RBM6: variants seen among roughly 807,000 people sequenced by gnomAD.
RBM6 encodes the protein RNA binding motif protein 6.
Under a neutral mutation model 140.4 loss-of-function variants are expected in RBM6, and 23 were observed. The observed-to-expected ratio is 0.16, with a 90% confidence interval of 0.12 to 0.23. The LOEUF (loss-of-function observed/expected upper bound fraction) is 0.23. RBM6 is among the 10% of genes least tolerant of loss of function. The pLI, the probability that RBM6 is intolerant of heterozygous loss-of-function variation, is 1.00. For missense variants in RBM6, 1,139 were observed against 1,386.7 expected, an observed-to-expected ratio of 0.82 and a Z score of 2.84; for synonymous variants, 439 against 475.6, an observed-to-expected ratio of 0.92 and a Z score of 1.00.
At chr3:49,969,451 A>ATGTG (rs199684826) in intron 3 of RBM6, among the ~76,000 whole-genome samples, 1 of 146,034 alleles carries the variant, frequency 6.8e-6, no homozygotes, top group Non-Finnish European at 1.5e-5. Flanking sequence ...GATCATATAT[A>ATGTG]TGTGTGTGTG....
chr3:49,963,543 T>C (rs1335048305), intron 2 of RBM6, among the ~76,000 whole-genome samples: 1 of 152,252 alleles, frequency 6.6e-6, no homozygotes, highest in Admixed American at 6.5e-5. Flanking sequence ...CACTAATTTA[T>C]GTCTAGAATT....
At chr3:50,054,198 T>A in intron 7 of RBM6, 137 bp from the exon 8 acceptor site, 2 of 712,112 alleles carry the variant, frequency 2.8e-6, no homozygotes, top group Non-Finnish European at 4.9e-6. Context: ...GTGGGGAATA[T>A]CAGATTCTTT....
intron 6 of RBM6, among the ~76,000 whole-genome samples, chr3:50,043,030 A>G (rs1482023618): frequency 6.6e-6 from 1 of 152,190 alleles, no homozygotes; most frequent in Non-Finnish European, 1.5e-5. Flanking sequence ...TTGCAGCTTC[A>G]TATTAAGATT....
At chr3:49,983,015 AT>A (rs562589192) in intron 5 of RBM6, among the ~76,000 whole-genome samples, 5,260 of 150,192 alleles carry the variant, frequency 0.035, 124 homozygotes, top group Non-Finnish European at 0.059. Context: ...CCTGGCCTAA[AT>A]TTTTTTTTTG....
intron 1 of RBM6, among the ~76,000 whole-genome samples, chr3:49,959,864 G>T (rs72942344): frequency 8.5e-5 from 13 of 152,186 alleles, no homozygotes; most frequent in Admixed American, 2.6e-4. Context: ...GAGCCCCCAC[G>T]CCCGGCCTAG....
chr3:50,062,522 C>G (rs1326661484), intron 15 of RBM6, among the ~76,000 whole-genome samples: 4 of 151,378 alleles, frequency 2.6e-5, no homozygotes, highest in Non-Finnish European at 5.9e-5. Flanking sequence ...AAAAAAACCT[C>G]TGTTAATGAG....
At chr3:49,955,860 C>CTCTCTGTGTG (rs1553637396) in intron 1 of RBM6, among the ~76,000 whole-genome samples, 64 of 145,578 alleles carry the variant, frequency 4.4e-4, no homozygotes, top group Non-Finnish European at 7.4e-4. Context: ...CTCTCTCTCT[C>CTCTCTGTGTG]TGTGTGTGTG....
chr3:50,060,473 C>T (rs533086869), intron 11 of RBM6, among the ~76,000 whole-genome samples: 6 of 151,912 alleles, frequency 3.9e-5, no homozygotes, highest in South Asian at 2.1e-4. Context: ...ATTGGGCAGG[C>T]GTGGTGGCTC....
intron 6 of RBM6, among the ~76,000 whole-genome samples, chr3:50,039,752 G>A (rs2088770304): frequency 6.6e-6 from 1 of 152,188 alleles, no homozygotes; most frequent in African/African-American, 2.4e-5. Context: ...CGGAGATTCT[G>A]TGATGAAGGA....
At chr3:50,035,168 C>T (rs980367239) in intron 6 of RBM6, among the ~76,000 whole-genome samples, 1 of 151,826 alleles carries the variant, frequency 6.6e-6, no homozygotes, top group Non-Finnish European at 1.5e-5. Context: ...AACAATTTGA[C>T]TGAGGGTCAT....
intron 1 of RBM6, among the ~76,000 whole-genome samples, chr3:49,941,372 T>G (rs2083273418): frequency 6.6e-6 from 1 of 152,026 alleles, no homozygotes; most frequent in Non-Finnish European, 1.5e-5. Context: ...AGAATTCTAT[T>G]ACCAGGCCGA....
chr3:50,011,879 A>G (rs941348593), intron 6 of RBM6, among the ~76,000 whole-genome samples: 7 of 146,650 alleles, frequency 4.8e-5, no homozygotes, highest in African/African-American at 1.8e-4. Context: ...GGGACACAGG[A>G]TCTTGCTCTG....
intron 2 of RBM6, among the ~76,000 whole-genome samples, chr3:49,964,693 G>T (rs1559530805): frequency 1.3e-5 from 2 of 152,108 alleles, no homozygotes; most frequent in African/African-American, 2.4e-5. Flanking sequence ...AAAATATTTA[G>T]GTTGTAATCT....
rs776283374 is a variant in RBM6, at chr3:50,059,762, G to A, written c.2228+16G>A. 1.3e-6 allele frequency: 2 copies of A among 1,598,900 alleles called. No homozygotes were observed. Among genetic ancestry groups the A allele is most frequent in the Non-Finnish European group, 8.6e-7 (1 of 1,167,834 alleles). On this transcript the variant is annotated intron_variant, in intron 11 of 20. Coordinates refer to ENST00000266022, the MANE Select transcript of RBM6 (RefSeq NM_005777.3). ...GAAAACGAAGGTAAGGCAGAAGGGT[G>A]AGGATCTCTTGTGCTGCCCCCACTT...
chr3:50,017,315 T>C (rs2087216572), intron 6 of RBM6, among the ~76,000 whole-genome samples: 1 of 152,126 alleles, frequency 6.6e-6, no homozygotes, highest in Admixed American at 6.6e-5. Flanking sequence ...CCCAACACTT[T>C]GGGAGGCCGA....
intron 20 of RBM6, among the ~76,000 whole-genome samples, chr3:50,076,094 G>A (rs1458971791): frequency 6.6e-6 from 1 of 151,560 alleles, no homozygotes; most frequent in Non-Finnish European, 1.5e-5. Context: ...CCAACCTCCT[G>A]AGTAGCTGGG....
intron 6 of RBM6, among the ~76,000 whole-genome samples, chr3:50,008,941 G>A (rs2086709566): frequency 6.6e-6 from 1 of 152,218 alleles, no homozygotes; most frequent in Non-Finnish European, 1.5e-5. Context: ...TGAGGTTAGA[G>A]TATGTAGTAT....
At chr3:50,072,083 C>CAAAAAAAA (rs974465674) in intron 19 of RBM6, among the ~76,000 whole-genome samples, 1 of 41,460 alleles carries the variant, frequency 2.4e-5, no homozygotes, top group Non-Finnish European at 4.7e-5. Context: ...GACTCTGTCT[C>CAAAAAAAA]AAAAAAAAAA....
intron 1 of RBM6, among the ~76,000 whole-genome samples, chr3:49,942,754 A>G (rs1190310502): frequency 6.6e-6 from 1 of 151,866 alleles, no homozygotes; most frequent in East Asian, 1.9e-4. Flanking sequence ...TTAGCCATGC[A>G]TGGTGGCATG....
Sources: gnomAD v4.1 joint callset for allele counts (sites outside exome capture counted in the v4.1 genomes callset) on GRCh38, gnomAD v4.1.1 for gene constraint, MANE v1.5 for transcripts, NCBI Gene and HGNC (gene_info 2026-07-23, HGNC 2026-07-21) for gene names.